Variants in CBFA2T2 observed in about 807,000 individuals in gnomAD.
CBFA2T2 encodes the protein CBFA2/RUNX1 partner transcriptional co-repressor 2.
Under a neutral mutation model 62.2 loss-of-function variants are expected in CBFA2T2, and 11 were observed. The ratio of observed to expected loss-of-function variants is 0.18; its 90% CI spans 0.11 to 0.29. CBFA2T2 has a LOEUF of 0.29. Among genes scored for constraint, CBFA2T2 ranks in the 10% least tolerant of loss-of-function variants. The pLI, the probability that CBFA2T2 is intolerant of heterozygous loss-of-function variation, is 1.00. For synonymous variants in CBFA2T2, 295 were observed against 287.5 expected, an observed-to-expected ratio of 1.03 and a Z score of -0.27; for missense variants, 592 against 774.1, an observed-to-expected ratio of 0.76 and a Z score of 2.79.
chr20:33,571,895 T>G (rs1286213559), intron 1 of CBFA2T2, among the ~76,000 whole-genome samples: 1 of 152,182 alleles, frequency 6.6e-6, no homozygotes, highest in Non-Finnish European at 1.5e-5. Context: ...GTTTGTTTGG[T>G]TTGTTTGGTT....
chr20:33,623,559 A>AT (rs1321098952), intron 5 of CBFA2T2, among the ~76,000 whole-genome samples: 1 of 148,768 alleles, frequency 6.7e-6, no homozygotes, highest in Non-Finnish European at 1.5e-5. Context: ...TGACCAGCTA[A>AT]TGTTTGTTTG....
chr20:33,600,042 AC>A (rs572599315), intron 1 of CBFA2T2, among the ~76,000 whole-genome samples: 107 of 152,340 alleles, frequency 7.0e-4, no homozygotes, highest in Non-Finnish European at 1.1e-3. Context: ...TGGCAGAGTT[AC>A]AAAGATGGTA....
chr20:33,511,000 A>G (rs1331499742), intron 1 of CBFA2T2, among the ~76,000 whole-genome samples: 1 of 151,876 alleles, frequency 6.6e-6, no homozygotes. Flanking sequence ...TTTTCTTGTA[A>G]ATTTGTTTAA....
At chr20:33,644,158 A>G (rs530254419) in intron 10 of CBFA2T2, among the ~76,000 whole-genome samples, 189 bp from the exon 11 acceptor site, 9 of 152,146 alleles carry the variant, frequency 5.9e-5, no homozygotes, top group Admixed American at 2.0e-4. Flanking sequence ...TTACAGATGA[A>G]GGAAACTCAG....
chr20:33,493,232 C>T (rs749223832), intron 1 of CBFA2T2, among the ~76,000 whole-genome samples: 6 of 151,990 alleles, frequency 3.9e-5, no homozygotes, highest in Admixed American at 6.6e-5. Flanking sequence ...CGTGCCAACA[C>T]GTCCGGCTAA....
At chr20:33,499,376 G>T (rs1204251919) in intron 1 of CBFA2T2, among the ~76,000 whole-genome samples, 5 of 152,200 alleles carry the variant, frequency 3.3e-5, no homozygotes. Context: ...TAATGAAGAA[G>T]AATCACTCTG....
chr20:33,495,243 C>T (rs1337141259), intron 1 of CBFA2T2, among the ~76,000 whole-genome samples: 3 of 151,574 alleles, frequency 2.0e-5, no homozygotes, highest in Middle Eastern at 3.4e-3. Context: ...ACTAAAAATA[C>T]AAAAAGAAGC....
Position 33,539,715 on chromosome 20 carries a change from CTT to C in CBFA2T2, c.34+49416_34+49417del, listed in dbSNP as rs1344478729. Among the ~76,000 whole-genome samples, 4 of 146,304 alleles carry C rather than the reference CTT, an allele frequency of 2.7e-5. No homozygotes were observed. The East Asian group carries it at 6.0e-4, about 22-fold the overall frequency. ...TTTTTTTTTTTTGGTAGAAGACAGT[CTT>C]TGTCTGTCACTCAGGCTGGAGTGCA... On this transcript the variant is annotated intron_variant, in intron 1 of 10. Coordinates refer to ENST00000342704, the MANE Select transcript of CBFA2T2 (RefSeq NM_001032999.3).
intron 3 of CBFA2T2, among the ~76,000 whole-genome samples, 179 bp from the exon 4 acceptor site, chr20:33,619,338 T>TGGAG (rs2015842984): frequency 6.6e-6 from 1 of 150,390 alleles, no homozygotes; most frequent in South Asian, 2.1e-4. Flanking sequence ...TCACAGGAGG[T>TGGAG]GGAGGTTACA....
chr20:33,637,825 G>A (rs757006630), intron 9 of CBFA2T2, among the ~76,000 whole-genome samples: 2 of 151,728 alleles, frequency 1.3e-5, no homozygotes, highest in Admixed American at 6.6e-5. Context: ...GCACCACCAC[G>A]CCTGGCTAAT....
chr20:33,517,062 A>G (rs2011612186), intron 1 of CBFA2T2, among the ~76,000 whole-genome samples: 1 of 152,236 alleles, frequency 6.6e-6, no homozygotes, highest in African/African-American at 2.4e-5. Context: ...GGACTGCTTC[A>G]TGATGTTGCC....
At chr20:33,533,064 T>G (rs1474617932) in intron 1 of CBFA2T2, among the ~76,000 whole-genome samples, 2 of 152,208 alleles carry the variant, frequency 1.3e-5, no homozygotes, top group Non-Finnish European at 2.9e-5. Context: ...CATTTTCTTC[T>G]TAAACTTTTA....
chr20:33,497,725 T>G (rs1323173797), intron 1 of CBFA2T2, among the ~76,000 whole-genome samples: 3 of 152,040 alleles, frequency 2.0e-5, no homozygotes, highest in Admixed American at 6.6e-5. Flanking sequence ...AATTTTTGTA[T>G]TTTTAGTAGA....
chr20:33,609,026 G>T (rs371690934), intron 2 of CBFA2T2, among the ~76,000 whole-genome samples: 2 of 152,052 alleles, frequency 1.3e-5, no homozygotes, highest in East Asian at 1.9e-4. Context: ...CCTTTTCTCA[G>T]CCCGTTAGTC....
intron 1 of CBFA2T2, 111 bp downstream of exon 1, chr20:33,490,412 G>A (rs2011137859): frequency 9.4e-7 from 1 of 1,063,350 alleles, no homozygotes; most frequent in Non-Finnish European, 1.2e-6. Flanking sequence ...GGAAACTGAG[G>A]CCCGAAGCGG....
intron 3 of CBFA2T2, among the ~76,000 whole-genome samples, chr20:33,617,351 A>G (rs143006150): frequency 7.5e-4 from 114 of 152,336 alleles, no homozygotes; most frequent in Non-Finnish European, 1.3e-3. Flanking sequence ...CCACTAGACT[A>G]TGAGATCTTT....
chr20:33,504,486 TCC>T (rs2011366241), intron 1 of CBFA2T2, among the ~76,000 whole-genome samples: 1 of 144,294 alleles, frequency 6.9e-6, no homozygotes, highest in Admixed American at 7.4e-5. Flanking sequence ...CACGGCAGCC[TCC>T]GCCTCCTGAG....
At chr20:33,619,639 T>A in intron 4 of CBFA2T2, 33 bp downstream of exon 4, 1 of 1,421,598 alleles carries the variant, frequency 7.0e-7, no homozygotes, top group Non-Finnish European at 9.8e-7. Context: ...TAATTTATCT[T>A]GAATATTTCC....
chr20:33,593,559 A>G (rs2146929042), intron 1 of CBFA2T2, among the ~76,000 whole-genome samples: 1 of 151,640 alleles, frequency 6.6e-6, no homozygotes, highest in South Asian at 2.1e-4. Context: ...CGCCTGGCTA[A>G]TTTTTGTATT....
Sources: gnomAD v4.1 joint callset for allele counts (sites outside exome capture counted in the v4.1 genomes callset) on GRCh38, gnomAD v4.1.1 for gene constraint, MANE v1.5 for transcripts, NCBI Gene and HGNC (gene_info 2026-07-23, HGNC 2026-07-21) for gene names.